Variants in LRPPRC observed in about 807,000 individuals in gnomAD.
The protein encoded by LRPPRC is leucine rich pentatricopeptide repeat containing.
Under a neutral mutation model 180.3 loss-of-function variants are expected in LRPPRC, and 120 were observed. That is an observed-to-expected ratio of 0.67 (90% confidence interval 0.57 to 0.77). The LOEUF is 0.77. Ranked by LOEUF, LRPPRC falls within the 30% of genes least tolerant of loss-of-function variation. The pLI is 0.00. For synonymous variants in LRPPRC, 723 were observed against 600.0 expected, an observed-to-expected ratio of 1.21 and a Z score of -3.00; for missense variants, 2,012 against 1,657.2, an observed-to-expected ratio of 1.21 and a Z score of -3.72.
chr2:43,940,893 A>C (rs1051456595), intron 23 of LRPPRC, among the ~76,000 whole-genome samples: 3 of 152,206 alleles, frequency 2.0e-5, no homozygotes, highest in Non-Finnish European at 2.9e-5. Context: ...AAGATAAAAT[A>C]CTTACAAAAG....
At chr2:43,992,338 G>A (rs985779678) in intron 1 of LRPPRC, among the ~76,000 whole-genome samples, 8 of 152,318 alleles carry the variant, frequency 5.3e-5, no homozygotes, top group African/African-American at 1.4e-4. Flanking sequence ...GCAGTTTAAC[G>A]AGAGCCCCAG....
At chr2:43,954,564 T>C (rs766807701) in intron 14 of LRPPRC, among the ~76,000 whole-genome samples, 8 of 152,182 alleles carry the variant, frequency 5.3e-5, no homozygotes, top group Non-Finnish European at 1.5e-5. Context: ...AGTATGGTAG[T>C]AGCTATTAAA....
At chr2:43,980,061 G>T in intron 2 of LRPPRC, 113 bp from the exon 3 acceptor site, 1 of 997,382 alleles carries the variant, frequency 1.0e-6, no homozygotes, top group Non-Finnish European at 1.6e-6. Context: ...GGCTCAAACT[G>T]AGAGTAACCA....
In LRPPRC at chr2:43,973,911, A is replaced by G. The variant is rs1039926102; in HGVS notation, c.1156-11T>C. ...TAGCTTCTCCACAGGCTGTGGGAAA[A>G]AAGTCACCACATTAGCTGGATTGGC... is the stretch of plus-strand genomic sequence containing the variant. On this transcript the variant is annotated splice_polypyrimidine_tract_variant and intron_variant, in intron 9 of 37. Coordinates refer to ENST00000260665, the MANE Select transcript of LRPPRC (RefSeq NM_133259.4). 2 of 1,511,354 alleles carry G rather than the reference A, an allele frequency of 1.3e-6. No individual in the cohort carries two copies. The highest frequency in any genetic ancestry group is 1.8e-6 in the Non-Finnish European group (2 of 1,086,888). 93.6% of individuals were successfully genotyped at this position (1,511,354 alleles called of 1,614,324 possible). A position where few individuals can be genotyped will look rare whatever the true frequency, so the allele number is the denominator to read the frequency against.
intron 25 of LRPPRC, among the ~76,000 whole-genome samples, chr2:43,933,276 G>A (rs910600510): frequency 6.6e-6 from 1 of 152,062 alleles, no homozygotes; most frequent in African/African-American, 2.4e-5. Flanking sequence ...AAAAAATACA[G>A]TTTTCTGGGT....
In LRPPRC at chr2:43,974,685, C is replaced by G. The variant is rs565060080; in HGVS notation, c.938G>C (p.Ser313Thr). 3 of 1,612,826 alleles carry G rather than the reference C, an allele frequency of 1.9e-6. No individual in the cohort carries two copies. The African/African-American group carries it at 4.0e-5, about 22-fold the overall frequency. The change falls in exon 8 of 38, where the codon AGT (serine) becomes ACT (threonine). Residue 313 changes from serine (S) to threonine (T), a missense_variant. Coordinates refer to ENST00000260665, the MANE Select transcript of LRPPRC (RefSeq NM_133259.4). ...GACATACTGAGGATACCCAGCTTTACTGAAGCTAAAAATAATTTGCAGTAA... is the reference window on the plus strand; with the variant it reads ...GACATACTGAGGATACCCAGCTTTAGTGAAGCTAAAAATAATTTGCAGTAA... ...RDLLQIIFSFSKAGYPQYVSE... is the reference protein window; with the variant it reads ...RDLLQIIFSFTKAGYPQYVSE...
intron 34 of LRPPRC, 23 bp from the exon 35 acceptor site, chr2:43,896,731 G>C (rs1239982933): frequency 7.2e-7 from 1 of 1,385,094 alleles, no homozygotes; most frequent in Non-Finnish European, 1.0e-6. Context: ...ACATTATTCA[G>C]TAAGTGAAGG....
At chr2:43,892,035 T>G (rs1670509835) in intron 36 of LRPPRC, among the ~76,000 whole-genome samples, 1 of 152,150 alleles carries the variant, frequency 6.6e-6, no homozygotes, top group Admixed American at 6.5e-5. Flanking sequence ...CCTAATCCAG[T>G]GCAAGGCCCT....
At chr2:43,892,240 G>A (rs1476902303) in intron 36 of LRPPRC, among the ~76,000 whole-genome samples, 1 of 152,224 alleles carries the variant, frequency 6.6e-6, no homozygotes, top group African/African-American at 2.4e-5. Flanking sequence ...TATATTAGAA[G>A]ATGTCATCAA....
At chr2:43,939,823 C>T (rs1434262985) in intron 23 of LRPPRC, among the ~76,000 whole-genome samples, 4 of 152,212 alleles carry the variant, frequency 2.6e-5, no homozygotes, top group African/African-American at 9.6e-5. Flanking sequence ...GCGTTCGGAA[C>T]AGCACTAACT....
chr2:43,976,956 A>T (rs1178663769), intron 5 of LRPPRC, 38 bp downstream of exon 5: 2 of 1,547,240 alleles, frequency 1.3e-6, no homozygotes, highest in East Asian at 2.3e-5. Context: ...CAAAATGTAC[A>T]AATTTGTTCG....
In LRPPRC at chr2:43,886,558, C is replaced by G. The variant is rs998481979; in HGVS notation, c.*2042G>C. On this transcript the variant is annotated 3_prime_UTR_variant, in exon 38 of 38. Transcript: ENST00000260665. ...CAGCTAGTCCTTTGTAACACCCCCC[C>G]GCTGCTGCCGAGAGGGCTAGATAAG... 5 of 152,188 alleles carry G rather than the reference C, an allele frequency of 3.3e-5. No homozygotes were observed. The highest frequency in any genetic ancestry group is 4.8e-5 in the African/African-American group (2 of 41,438). The allele number at this position is 152,188 out of a possible 1,614,324, so 9.4% of individuals were successfully genotyped here.
At chr2:43,933,769 T>C (rs1672175074) in intron 25 of LRPPRC, among the ~76,000 whole-genome samples, 1 of 152,198 alleles carries the variant, frequency 6.6e-6, no homozygotes, top group Non-Finnish European at 1.5e-5. Context: ...GTTTGGCTGA[T>C]TAACTTGTAG....
Position 43,995,858 on chromosome 2 carries a change from G to A in LRPPRC, c.90C>T (p.Gly30=), listed in dbSNP as rs757443323. Residue 30 remains glycine (G), a synonymous_variant, in exon 1 of 38, where the codon GGC becomes GGT. Coordinates refer to ENST00000260665, the MANE Select transcript of LRPPRC (RefSeq NM_133259.4). The part of the protein sequence containing the change: ...LPLSLRLLPG[G]PGRLHAASYL... ...AGGAGGCGGCATGCAGCCGGCCCGG[G>A]CCGCCAGGGAGGAGGCGCAGGGAGA... 1.1e-5 allele frequency: 17 copies of A among 1,486,440 alleles called. No homozygotes were observed. In the South Asian group the frequency reaches 1.5e-4, roughly 13 times the overall value. The allele number at this position is 1,486,440 out of a possible 1,614,324, so 92.1% of individuals were successfully genotyped here. A position where few individuals can be genotyped will look rare whatever the true frequency, so the allele number is the denominator to read the frequency against.
Position 43,912,437 on chromosome 2 carries a change from T to C in LRPPRC, c.3270A>G (p.Lys1090=). Residue 1090 remains lysine (K), a synonymous_variant, in exon 30 of 38, where the codon AAA becomes AAG. Coordinates refer to ENST00000260665, the MANE Select transcript of LRPPRC (RefSeq NM_133259.4). ...EDYFTQAMEV[K]AFAETHIKGF... is the part of the protein sequence containing the mutation. ...ATAAATGGACTAACACTTACAATGC[T>C]TTCACTTCCATTGCTTGTGTAAAAT... 6.2e-7 allele frequency: 1 copy of C among 1,610,014 alleles called. No individual in the cohort carries two copies. The highest frequency in any genetic ancestry group is 8.5e-7 in the Non-Finnish European group (1 of 1,176,472).
intron 13 of LRPPRC, among the ~76,000 whole-genome samples, chr2:43,957,845 T>C (rs936436635): frequency 1.3e-5 from 2 of 152,134 alleles, no homozygotes; most frequent in Non-Finnish European, 2.9e-5. Context: ...AGACAGCACA[T>C]GAGAGGAAAA....
At chr2:43,890,279 T>C (rs1176384865) in intron 36 of LRPPRC, 1 of 454,852 alleles carries the variant, frequency 2.2e-6, no homozygotes, top group East Asian at 6.9e-5. Flanking sequence ...CAGGAACTGT[T>C]GTGGAGAGGG....
chr2:43,980,072 T>C (rs1674236094), intron 2 of LRPPRC, 124 bp from the exon 3 acceptor site: 1 of 897,762 alleles, frequency 1.1e-6, no homozygotes, highest in Non-Finnish European at 1.8e-6. Flanking sequence ...AGAGTAACCA[T>C]AAATTAGAAA....
intron 23 of LRPPRC, among the ~76,000 whole-genome samples, chr2:43,937,369 G>C (rs895766268): frequency 1.3e-5 from 2 of 152,130 alleles, no homozygotes; most frequent in Non-Finnish European, 1.5e-5. Context: ...TAAATGACTA[G>C]TCAGTTCTTC....
Sources: gnomAD v4.1 joint callset for allele counts (sites outside exome capture counted in the v4.1 genomes callset) on GRCh38, gnomAD v4.1.1 for gene constraint, MANE v1.5 for transcripts, NCBI Gene and HGNC (gene_info 2026-07-23, HGNC 2026-07-21) for gene names.